ARMC9: variants seen among roughly 807,000 people sequenced by gnomAD.
ARMC9 encodes the protein armadillo repeat containing 9.
Under a neutral mutation model 107.0 loss-of-function variants are expected in ARMC9, and 94 were observed. The ratio of observed to expected loss-of-function variants is 0.88; its 90% CI spans 0.74 to 1.04. The LOEUF (loss-of-function observed/expected upper bound fraction) is 1.04, where lower values mean the gene tolerates loss of function less well. ARMC9 is among the 50% of genes least tolerant of loss of function. The pLI, the probability that ARMC9 is intolerant of heterozygous loss-of-function variation, is 0.00. For missense variants in ARMC9, 942 were observed against 1,030.1 expected (o/e 0.91, Z 1.17); for synonymous variants, 380 against 396.9 (o/e 0.96, Z 0.51).
At chr2:231,208,881 C>T (rs142854862) in intron 3 of ARMC9, among the ~76,000 whole-genome samples, 2 of 152,214 alleles carry the variant, frequency 1.3e-5, no homozygotes, top group African/African-American at 4.8e-5. Flanking sequence ...CCAGCCTGTG[C>T]AACACAGTAG....
chr2:231,233,776 C>G (rs77145722), intron 7 of ARMC9, among the ~76,000 whole-genome samples: 2 of 137,730 alleles, frequency 1.5e-5, no homozygotes, highest in African/African-American at 5.3e-5. Context: ...AACTCCATCT[C>G]AAAAAAAAAA....
intron 20 of ARMC9, among the ~76,000 whole-genome samples, chr2:231,344,510 A>G (rs2044700592): frequency 6.6e-6 from 1 of 152,242 alleles, no homozygotes; most frequent in Admixed American, 6.5e-5. Flanking sequence ...CTCCTTAGCT[A>G]TGAAAATGTT....
intron 20 of ARMC9, among the ~76,000 whole-genome samples, chr2:231,338,951 T>G (rs2044310784): frequency 6.6e-6 from 1 of 152,158 alleles, no homozygotes; most frequent in Admixed American, 6.5e-5. Flanking sequence ...TTGATCAAAT[T>G]TTCTTAATAT....
At chr2:231,211,098 A>G (rs190472112) in intron 3 of ARMC9, among the ~76,000 whole-genome samples, 95 of 152,186 alleles carry the variant, frequency 6.2e-4, no homozygotes, top group African/African-American at 2.2e-3. Context: ...TTCCTTTTAA[A>G]GGCTGAATAA....
At chr2:231,322,991 C>T (rs1329513613) in intron 19 of ARMC9, among the ~76,000 whole-genome samples, 1 of 152,186 alleles carries the variant, frequency 6.6e-6, no homozygotes, top group Non-Finnish European at 1.5e-5. Context: ...CCAGTGCACC[C>T]AGCACCTTGC....
chr2:231,375,668 C>G lies in ARMC9; in HGVS notation c.*4133C>G, dbSNP rs1355494769. Among the ~76,000 whole-genome samples, 1 of 152,194 alleles carries G rather than the reference C, an allele frequency of 6.6e-6. No individual in the cohort carries two copies. The highest frequency in any genetic ancestry group is 1.5e-5 in the Non-Finnish European group (1 of 68,034). ...GGATGGCATGGTCCAGGCCGGAGCA[C>G]CAGCCCCAGGTTGAAACATCAGGCA... is the stretch of plus-strand genomic sequence containing the variant. On this transcript the variant is annotated 3_prime_UTR_variant, in exon 25 of 25. Coordinates refer to ENST00000611582, the MANE Select transcript of ARMC9 (RefSeq NM_001352754.2). The surrounding 1 kb of genome is among the most constrained non-coding windows in gnomAD (Gnocchi z 4.3).
chr2:231,221,675 A>C (rs2034140618), intron 5 of ARMC9, among the ~76,000 whole-genome samples: 2 of 151,556 alleles, frequency 1.3e-5, no homozygotes, highest in Admixed American at 1.3e-4. Flanking sequence ...CCAAAAAAAA[A>C]AAAAATACAA....
intron 3 of ARMC9, among the ~76,000 whole-genome samples, chr2:231,213,892 G>A (rs2033198590): frequency 6.6e-6 from 1 of 152,208 alleles, no homozygotes; most frequent in South Asian, 2.1e-4. Flanking sequence ...TGTTGCAGTT[G>A]AGCGTAAAAT....
At chr2:231,270,385 T>G in intron 12 of ARMC9, 4 of 345,324 alleles carry the variant, frequency 1.2e-5, no homozygotes, top group South Asian at 9.0e-5. Context: ...AAGTGCTTCT[T>G]GAACAACTTT....
rs970131782 is a variant in ARMC9 at position 231,353,994 on chromosome 2, C to T, written c.1995-1804C>T. Among the ~76,000 whole-genome samples, 479 of 118,950 alleles carry T rather than the reference C, an allele frequency of 4.0e-3. 3 individuals carry two copies. Among genetic ancestry groups the T allele is most frequent in the African/African-American group, 0.026 (454 of 17,198 alleles). The allele number at this position is 118,950 out of a possible 152,430, so 78.0% of individuals were successfully genotyped here. ...ATATGTATATATACACACACACACA[C>T]ACACACACACACACACACACACCAT... is the stretch of plus-strand genomic sequence containing the variant. On this transcript the variant is annotated intron_variant, in intron 21 of 24. Coordinates refer to ENST00000611582, the MANE Select transcript of ARMC9 (RefSeq NM_001352754.2).
intron 19 of ARMC9, among the ~76,000 whole-genome samples, chr2:231,299,784 T>C (rs1342117620): frequency 6.7e-6 from 1 of 149,570 alleles, no homozygotes; most frequent in Admixed American, 6.6e-5. Context: ...AATATGGGTG[T>C]TTTCATTGTT....
At chr2:231,363,811 G>A (rs1303060811) in intron 23 of ARMC9, among the ~76,000 whole-genome samples, 1 of 142,810 alleles carries the variant, frequency 7.0e-6, no homozygotes, top group South Asian at 2.3e-4. Flanking sequence ...CTTGAACTGG[G>A]AAGCAGAGGT....
chr2:231,331,807 C>G lies in ARMC9; in HGVS notation c.1788C>G (p.Ile596Met). The G allele has an allele frequency of 6.2e-7, 1 of 1,613,956 alleles. No homozygotes were observed. Among genetic ancestry groups the G allele is most frequent in the Non-Finnish European group, 8.5e-7 (1 of 1,179,914 alleles). ...EDEDDEEDHDIMEADLDKDEL... is the reference protein window; with the variant it reads ...EDEDDEEDHDMMEADLDKDEL... ...TCCTGAAACAGGAGGACCATGACAT[C>G]ATGGAAGCCGATCTGGACAAAGACG... The change falls in exon 20 of 25, where the codon ATC (isoleucine) becomes ATG (methionine). Residue 596 changes from isoleucine (I) to methionine (M), a missense_variant. By Grantham distance (10) the Ile-to-Met change is conservative. Coordinates refer to ENST00000611582, the MANE Select transcript of ARMC9 (RefSeq NM_001352754.2).
intron 16 of ARMC9, among the ~76,000 whole-genome samples, chr2:231,279,359 A>G (rs1423213476): frequency 6.6e-6 from 1 of 152,212 alleles, no homozygotes; most frequent in African/African-American, 2.4e-5. Context: ...TACAAGTGCC[A>G]TTGCAGAAAC....
At chr2:231,325,265 ATAACTT>A (rs1441615756) in intron 19 of ARMC9, among the ~76,000 whole-genome samples, 2 of 152,168 alleles carry the variant, frequency 1.3e-5, no homozygotes, top group Admixed American at 1.3e-4. Flanking sequence ...AATGGAATAA[ATAACTT>A]TAACTTGTGA....
At chr2:231,367,752 G>A (rs1007321127) in intron 23 of ARMC9, among the ~76,000 whole-genome samples, 6 of 152,076 alleles carry the variant, frequency 3.9e-5, no homozygotes, top group Non-Finnish European at 5.9e-5. Context: ...GGAAGCAGAG[G>A]TGGGTGGATC....
At chr2:231,239,009 C>T (rs559379253) in intron 8 of ARMC9, among the ~76,000 whole-genome samples, 45 of 152,308 alleles carry the variant, frequency 3.0e-4, no homozygotes, top group Middle Eastern at 3.4e-3. Context: ...GGAGAGCAGC[C>T]GCTTCTACTG....
chr2:231,332,706 G>T lies in ARMC9; in HGVS notation c.1878+809G>T, dbSNP rs114967925. Among the ~76,000 whole-genome samples, 4 of 152,290 alleles carry T rather than the reference G, an allele frequency of 2.6e-5. No homozygotes were observed. The South Asian group carries it at 6.2e-4, about 24-fold the overall frequency. ...CGCAGATATCTCAGAGAGCAGGTAG[G>T]GGGGCCTGGTGGGATGCTGGAGTGT... On this transcript the variant is annotated intron_variant, in intron 20 of 24. Transcript: ENST00000611582.
chr2:231,305,888 A>G (rs1361724862), intron 19 of ARMC9, among the ~76,000 whole-genome samples: 1 of 152,232 alleles, frequency 6.6e-6, no homozygotes, highest in Non-Finnish European at 1.5e-5. Flanking sequence ...CACGATTTAA[A>G]TAAACTCATC....
Sources: gnomAD v4.1 joint callset for allele counts (sites outside exome capture counted in the v4.1 genomes callset) on GRCh38, gnomAD v4.1.1 for gene constraint, Gnocchi (gnomAD v3.1) non-coding constraint, MANE v1.5 for transcripts, NCBI Gene and HGNC (gene_info 2026-07-23, HGNC 2026-07-21) for gene names.